Variants in TMEM254 observed in about 807,000 individuals in gnomAD.
TMEM254 encodes transmembrane protein C10orf57.
In TMEM254, 16 loss-of-function variants were observed where a neutral mutation model predicts 13.9. That is an observed-to-expected ratio of 1.15 (90% confidence interval 0.78 to 1.75). The LOEUF is 1.75. Among genes scored for constraint, TMEM254 ranks in the 40% most tolerant of loss-of-function variants. The pLI, the probability that TMEM254 is intolerant of heterozygous loss-of-function variation, is 0.00. For synonymous variants in TMEM254, 61 were observed against 56.4 expected (o/e 1.08, Z -0.36); for missense variants, 155 against 149.0 (o/e 1.04, Z -0.21).
rs1258593236 is a variant in TMEM254, at chr10:80,092,242, C to T, written c.*1325C>T. ...ACATTTATGGGAAACAACCCGCTCC[C>T]GAAAACGGAGCCCCCAAGTAAAGCA... On this transcript the variant is annotated 3_prime_UTR_variant, in exon 4 of 4. Transcript: ENST00000372281. The T allele has an allele frequency of 2.0e-5, 3 of 152,106 alleles. No individual in the cohort carries two copies. Among genetic ancestry groups the T allele is most frequent in the South Asian group, 2.1e-4 (1 of 4,822 alleles). 9.4% of individuals were successfully genotyped at this position (152,106 alleles called of 1,614,324 possible).
chr10:80,087,584 C>T (rs1161255634), intron 3 of TMEM254, among the ~76,000 whole-genome samples: 5 of 151,866 alleles, frequency 3.3e-5, no homozygotes, highest in Admixed American at 6.6e-5. Context: ...ATCTGGGAGG[C>T]GGAGGTTGCA....
chr10:80,081,724 G>C (rs1844037816), intron 1 of TMEM254, 117 bp from the exon 2 acceptor site: 1 of 1,608,428 alleles, frequency 6.2e-7, no homozygotes. Context: ...TGACTGTTCA[G>C]AGTTTCTTCG....
chr10:80,085,038 T>G (rs1844242167), intron 3 of TMEM254, among the ~76,000 whole-genome samples: 1 of 151,940 alleles, frequency 6.6e-6, no homozygotes. Flanking sequence ...GCCAGGATGG[T>G]CTTGATCTCT....
intron 1 of TMEM254, chr10:80,079,080 A>G (rs1434174281): frequency 7.0e-7 from 1 of 1,427,692 alleles, no homozygotes. Context: ...TGGGTTTTTC[A>G]AGAGGATGGT....
rs112387264 is a variant in TMEM254 at position 80,088,876 on chromosome 10, G to T, written c.252-1921G>T. On this transcript the variant is annotated intron_variant, in intron 3 of 3. Transcript: ENST00000372281. ...GTCTCCCAAAGTGCTGGAATTACAG[G>T]CCTGAGCCACCACACCTGGCCAACT... Among the ~76,000 whole-genome samples the T allele has an allele frequency of 4.8e-3, 733 of 151,942 alleles. 9 individuals are homozygous for T. Among genetic ancestry groups the T allele is most frequent in the African/African-American group, 0.017 (693 of 41,466 alleles).
chr10:80,079,334 G>A, intron 1 of TMEM254: 2 of 1,192,068 alleles, frequency 1.7e-6, no homozygotes, highest in South Asian at 3.2e-5. Flanking sequence ...TGGGCTCTTA[G>A]GATAGTTTCT....
chr10:80,090,901 G>A lies in TMEM254; in HGVS notation c.356G>A (p.Arg119His), dbSNP rs749053952. ...ATCTTGATTGCTTACAAACGGAAGCGCCAAAAACAAACTTGAAGTTGTCTG... is the reference window on the plus strand; with the variant it reads ...ATCTTGATTGCTTACAAACGGAAGCACCAAAAACAAACTTGAAGTTGTCTG... ...LTILIAYKRK[R>H]QKQT The change falls in exon 4 of 4, where the codon CGC (arginine) becomes CAC (histidine). Residue 119 changes from arginine (R) to histidine (H), a missense_variant. Physicochemically the swap from Arg to His is conservative, Grantham distance 29. Coordinates refer to ENST00000372281, the MANE Select transcript of TMEM254 (RefSeq NM_025125.4). 41 of 1,613,388 alleles carry A rather than the reference G, an allele frequency of 2.5e-5. No homozygotes were observed. Among genetic ancestry groups the A allele is most frequent in the Non-Finnish European group, 3.1e-5 (37 of 1,179,770 alleles).
At chr10:80,089,137 G>A (rs1032308790) in intron 3 of TMEM254, among the ~76,000 whole-genome samples, 1 of 152,026 alleles carries the variant, frequency 6.6e-6, no homozygotes, top group Admixed American at 6.6e-5. Flanking sequence ...GTATAAAACT[G>A]TCCAGAAATA....
At chr10:80,090,227 A>C (rs778157570) in intron 3 of TMEM254, among the ~76,000 whole-genome samples, 12 of 151,922 alleles carry the variant, frequency 7.9e-5, no homozygotes, top group Non-Finnish European at 1.3e-4. Flanking sequence ...TTTTTTTTGC[A>C]CTTCATTTTA....
At chr10:80,084,139 C>T (rs1434837052) in intron 3 of TMEM254, among the ~76,000 whole-genome samples, 3 of 152,102 alleles carry the variant, frequency 2.0e-5, no homozygotes, top group Non-Finnish European at 2.9e-5. Context: ...TGTGATCAGG[C>T]AGCTAGGTAC....
chr10:80,090,788 C>T lies in TMEM254; in HGVS notation c.252-9C>T, dbSNP rs750791973. The T allele has an allele frequency of 1.1e-5, 18 of 1,600,976 alleles. No homozygotes were observed. Among genetic ancestry groups the T allele is most frequent in the Admixed American group, 1.8e-5 (1 of 55,922 alleles). On this transcript the variant is annotated splice_polypyrimidine_tract_variant and intron_variant, in intron 3 of 3. Transcript: ENST00000372281. Reference sequence around the variant, plus strand: ...ATCTCGTGTTTAAATTTTGTTTTTTCTGTTTTAGGCATAAAGGCATCACAA... The same window carrying T: ...ATCTCGTGTTTAAATTTTGTTTTTTTTGTTTTAGGCATAAAGGCATCACAA...
chr10:80,088,083 G>C (rs908308282), intron 3 of TMEM254, among the ~76,000 whole-genome samples: 52 of 151,512 alleles, frequency 3.4e-4, no homozygotes, highest in African/African-American at 1.2e-3. Flanking sequence ...TTTCCATCTG[G>C]ATGCCGTTAT....
chr10:80,082,010 C>T (rs956787515), intron 2 of TMEM254, 66 bp downstream of exon 2: 3 of 1,568,888 alleles, frequency 1.9e-6, no homozygotes, highest in African/African-American at 1.4e-5. Flanking sequence ...ACCTGGAAGG[C>T]CTGCAGCTGC....
In TMEM254 at chr10:80,086,351, A is replaced by G. The variant is rs1378631399; in HGVS notation, c.251+4147A>G. 5.6e-6 allele frequency: 5 copies of G among 894,504 alleles called. No homozygotes were observed. The African/African-American group carries it at 8.8e-5, about 16-fold the overall frequency. 55.4% of individuals were successfully genotyped at this position (894,504 alleles called of 1,614,324 possible). A position where few individuals can be genotyped will look rare whatever the true frequency, so the allele number is the denominator to read the frequency against. ...TGTGACCCTTCTGAAGGAGGAGGAA[A>G]CAAGCACTGCTGTTCAGTGAGCCTG... is the stretch of plus-strand genomic sequence containing the variant. On this transcript the variant is annotated intron_variant, in intron 3 of 3. Transcript: ENST00000372281.
intron 3 of TMEM254, among the ~76,000 whole-genome samples, chr10:80,085,358 G>A (rs1442461816): frequency 5.3e-5 from 8 of 151,830 alleles, no homozygotes; most frequent in South Asian, 2.1e-4. Context: ...TCAGGAGTTC[G>A]AGACCAGCGT....
At chr10:80,081,651 G>T (rs1564567831) in intron 1 of TMEM254, 190 bp from the exon 2 acceptor site, 2 of 1,540,014 alleles carry the variant, frequency 1.3e-6, no homozygotes, top group Non-Finnish European at 1.8e-6. Flanking sequence ...CCCAGCAGCG[G>T]AGTGAGACCC....
At chr10:80,079,032 G>T (rs1279013748) in intron 1 of TMEM254, 2 of 1,513,298 alleles carry the variant, frequency 1.3e-6, no homozygotes, top group South Asian at 2.4e-5. Context: ...TTATATGGGG[G>T]CGGGGACGGC....
At chr10:80,081,028 C>T (rs1309000972) in intron 1 of TMEM254, among the ~76,000 whole-genome samples, 3 of 152,092 alleles carry the variant, frequency 2.0e-5, no homozygotes, top group East Asian at 3.9e-4. Flanking sequence ...TACAGAGAGC[C>T]GAGATCGTGC....
At chr10:80,090,284 G>A (rs527872547) in intron 3 of TMEM254, 2 of 682,996 alleles carry the variant, frequency 2.9e-6, no homozygotes, top group Non-Finnish European at 5.5e-6. Context: ...TATCATGACT[G>A]TGTGCCAGGC....
Sources: allele counts gnomAD v4.1 joint callset (sites outside exome capture counted in the v4.1 genomes callset), GRCh38; gene constraint gnomAD v4.1.1; transcripts MANE v1.5; gene names NCBI Gene and HGNC (gene_info 2026-07-23, HGNC 2026-07-21).